RPS6KC1: variants seen among roughly 807,000 people sequenced by gnomAD.
RPS6KC1 encodes the protein ribosomal protein S6 kinase C1, also known as inactive ribosomal protein S6 kinase delta-1.
A neutral mutation model predicts 103.8 loss-of-function variants in RPS6KC1; 54 were observed. The ratio of observed to expected loss-of-function variants is 0.52; its 90% CI spans 0.42 to 0.65. The LOEUF (loss-of-function observed/expected upper bound fraction) is 0.65. Ranked by LOEUF, RPS6KC1 falls within the 30% of genes least tolerant of loss-of-function variation. RPS6KC1 has a pLI of 0.00. For missense variants in RPS6KC1, 1,151 were observed against 1,253.8 expected (o/e 0.92, Z 1.24); for synonymous variants, 439 against 438.7 (o/e 1.00, Z -0.01).
chr1:213,848,528 T>C, the RPS6KC1 span, among the ~76,000 whole-genome samples: 1 of 152,102 alleles, frequency 6.6e-6, no homozygotes, highest in South Asian at 2.1e-4. Flanking sequence ...CTAGTGTGTA[T>C]ATACTATATG....
the RPS6KC1 span, among the ~76,000 whole-genome samples, chr1:213,453,816 A>G: frequency 4.3e-4 from 65 of 152,344 alleles, no homozygotes; most frequent in Admixed American, 8.5e-4. Flanking sequence ...CTAAATCCAA[A>G]TATAGTTGGC....
intron 3 of RPS6KC1, among the ~76,000 whole-genome samples, chr1:213,098,595 G>C (rs1293399543): frequency 6.6e-6 from 1 of 152,094 alleles, no homozygotes; most frequent in Admixed American, 6.6e-5. Flanking sequence ...GGGTACAGCT[G>C]GTTGGTGGAG....
At chr1:213,188,833 GTT>G (rs35525974) in intron 8 of RPS6KC1, among the ~76,000 whole-genome samples, 54 of 146,408 alleles carry the variant, frequency 3.7e-4, no homozygotes, top group Non-Finnish European at 4.2e-4. Context: ...TTTCCGCAAG[GTT>G]TTTTTTTTTT....
chr1:213,855,538 T>C, the RPS6KC1 span, among the ~76,000 whole-genome samples: 1,490 of 152,352 alleles, frequency 9.8e-3, 13 homozygotes, highest in South Asian at 0.057. Context: ...GCCTAGCATC[T>C]GTCCTTGGGT....
At chr1:213,365,975 A>G in the RPS6KC1 span, among the ~76,000 whole-genome samples, 7 of 152,362 alleles carry the variant, frequency 4.6e-5, no homozygotes, top group African/African-American at 1.7e-4. Context: ...GCAGACATCT[A>G]TCTAGAGCCT....
At chr1:213,322,247 A>G in the RPS6KC1 span, among the ~76,000 whole-genome samples, 1 of 152,188 alleles carries the variant, frequency 6.6e-6, no homozygotes, top group African/African-American at 2.4e-5. Flanking sequence ...CGGAGGTTGC[A>G]GTGATCTGCA....
the RPS6KC1 span, among the ~76,000 whole-genome samples, chr1:213,602,128 T>C: frequency 2.0e-3 from 110 of 56,266 alleles, 3 homozygotes; most frequent in African/African-American, 2.4e-3. Context: ...TTCTCTTTCT[T>C]TCTTTCTTTC....
the RPS6KC1 span, among the ~76,000 whole-genome samples, chr1:213,433,470 T>C: frequency 1.3e-5 from 2 of 152,222 alleles, no homozygotes; most frequent in African/African-American, 4.8e-5. Flanking sequence ...TCTAAATTGT[T>C]CTTTAATTTC....
chr1:213,223,762 T>C (rs2093893687), intron 8 of RPS6KC1, among the ~76,000 whole-genome samples: 1 of 152,196 alleles, frequency 6.6e-6, no homozygotes, highest in South Asian at 2.1e-4. Context: ...TAGTTCTACT[T>C]TTAGTTCTTT....
At chr1:213,113,741 G>T (rs1346303465) in intron 4 of RPS6KC1, among the ~76,000 whole-genome samples, 1 of 152,078 alleles carries the variant, frequency 6.6e-6, no homozygotes, top group Non-Finnish European at 1.5e-5. Context: ...TCTGTATGAG[G>T]TGTAAGGAAG....
the RPS6KC1 span, among the ~76,000 whole-genome samples, chr1:213,479,295 A>G: frequency 7.2e-5 from 11 of 152,182 alleles, no homozygotes; most frequent in Admixed American, 6.5e-4. Flanking sequence ...TAGCTGCACT[A>G]GATATTACCA....
intron 8 of RPS6KC1, among the ~76,000 whole-genome samples, chr1:213,178,560 CAAA>C (rs916101243): frequency 6.8e-6 from 1 of 147,970 alleles, no homozygotes; most frequent in Non-Finnish European, 1.5e-5. Flanking sequence ...AACAAACAAA[CAAA>C]AAAAAACACA....
chr1:213,553,188 TG>T, the RPS6KC1 span, among the ~76,000 whole-genome samples: 1 of 152,154 alleles, frequency 6.6e-6, no homozygotes, highest in Non-Finnish European at 1.5e-5. Context: ...TAGGCCCTAA[TG>T]TCTATTGCTC....
At chr1:213,458,045 T>TA in the RPS6KC1 span, among the ~76,000 whole-genome samples, 3 of 152,326 alleles carry the variant, frequency 2.0e-5, no homozygotes, top group African/African-American at 7.2e-5. Context: ...GTGGGTTTGT[T>TA]ACGTGGGTAT....
At chr1:213,175,893 A>G (rs1163118993) in intron 7 of RPS6KC1, among the ~76,000 whole-genome samples, 1 of 152,232 alleles carries the variant, frequency 6.6e-6, no homozygotes, top group Non-Finnish European at 1.5e-5. Context: ...CTGAAAACAC[A>G]TAATACATAA....
chr1:213,248,111 C>T (rs1277412116), intron 12 of RPS6KC1, among the ~76,000 whole-genome samples: 1 of 151,878 alleles, frequency 6.6e-6, no homozygotes, highest in Non-Finnish European at 1.5e-5. Flanking sequence ...CATGAGAAAT[C>T]TAATTTTAAG....
chr1:213,328,241 C>A, the RPS6KC1 span, among the ~76,000 whole-genome samples: 541 of 152,004 alleles, frequency 3.6e-3, 4 homozygotes, highest in African/African-American at 0.012. Flanking sequence ...TGCCTAAGGT[C>A]CTGTCACATT....
At chr1:213,528,188 A>G in the RPS6KC1 span, among the ~76,000 whole-genome samples, 1 of 152,164 alleles carries the variant, frequency 6.6e-6, no homozygotes, top group Non-Finnish European at 1.5e-5. Context: ...GGTTTAATTG[A>G]CTCACAGTTC....
At chr1:213,164,803 A>G (rs2090808147) in intron 6 of RPS6KC1, among the ~76,000 whole-genome samples, 1 of 152,160 alleles carries the variant, frequency 6.6e-6, no homozygotes, top group South Asian at 2.1e-4. Context: ...TCCTGGGATC[A>G]AGCAGTTCTC....
Sources: gnomAD v4.1 joint callset for allele counts (sites outside exome capture counted in the v4.1 genomes callset) on GRCh38, gnomAD v4.1.1 for gene constraint, MANE v1.5 for transcripts, NCBI Gene and HGNC (gene_info 2026-07-23, HGNC 2026-07-21) for gene names.